Variants in CDC34 observed in about 807,000 individuals in gnomAD.
CDC34 encodes the protein cell division cycle 34, ubiquitin conjugating enzyme.
Under a neutral mutation model 26.8 loss-of-function variants are expected in CDC34, and 18 were observed. The observed-to-expected ratio is 0.67, with a 90% CI of 0.47 to 1.00. CDC34 has a LOEUF of 1.00. CDC34 is among the 50% of genes least tolerant of loss of function. The pLI is 0.00. For missense variants in CDC34, 280 were observed against 334.5 expected, an observed-to-expected ratio of 0.84 and a Z score of 1.27; for synonymous variants, 178 against 147.5, an observed-to-expected ratio of 1.21 and a Z score of -1.50.
rs368818872 is a variant in CDC34 at position 541,590 on chromosome 19, G to A, written c.*38G>A. On this transcript the variant is annotated 3_prime_UTR_variant, in exon 5 of 5. Coordinates refer to ENST00000215574, the MANE Select transcript of CDC34 (RefSeq NM_004359.2). ...AAACTTGCCGAGTTTACCTCACTAGGGCCGGACCCGTGGCTCCTTAGACGA... is the reference window on the plus strand; with the variant it reads ...AAACTTGCCGAGTTTACCTCACTAGAGCCGGACCCGTGGCTCCTTAGACGA... The A allele has an allele frequency of 2.0e-6, 3 of 1,523,720 alleles. No homozygotes were observed. The highest frequency in any genetic ancestry group is 2.8e-5 in the African/African-American group (2 of 72,316). 94.4% of individuals were successfully genotyped at this position (1,523,720 alleles called of 1,614,324 possible). A position where few individuals can be genotyped will look rare whatever the true frequency, so the allele number is the denominator to read the frequency against.
rs538779222 is a variant in CDC34 at position 541,691 on chromosome 19, A to G, written c.*139A>G. 12 of 928,160 alleles carry G rather than the reference A, an allele frequency of 1.3e-5. No homozygotes were observed. The highest frequency in any genetic ancestry group is 1.9e-5 in the Non-Finnish European group (12 of 648,292). 57.5% of individuals were successfully genotyped at this position (928,160 alleles called of 1,614,324 possible). ...TCGTTTTGGCTTTTTCTCCCTCCCCATGTCTGTTCTGGGTTTTCACGTGCT... is the reference window on the plus strand; with the variant it reads ...TCGTTTTGGCTTTTTCTCCCTCCCCGTGTCTGTTCTGGGTTTTCACGTGCT... On this transcript the variant is annotated 3_prime_UTR_variant, in exon 5 of 5. Coordinates refer to ENST00000215574, the MANE Select transcript of CDC34 (RefSeq NM_004359.2).
In CDC34 at chr19:536,755, C is replaced by A. The variant is rs746097237; in HGVS notation, c.363-258C>A. 5.3e-6 allele frequency: 3 copies of A among 562,530 alleles called. No homozygotes were observed. The Admixed American group carries it at 9.2e-5, about 17-fold the overall frequency. 34.8% of individuals were successfully genotyped at this position (562,530 alleles called of 1,614,324 possible). A position where few individuals can be genotyped will look rare whatever the true frequency, so the allele number is the denominator to read the frequency against. On this transcript the variant is annotated intron_variant, in intron 3 of 4. Transcript: ENST00000215574. ...TGGAGTGTAGTCTAGGCAGGACGTG[C>A]GGGTGTGAGGGCAGCCCCGGGTCTG...
chr19:540,934 T>C (rs943282459), intron 4 of CDC34, among the ~76,000 whole-genome samples: 2 of 152,208 alleles, frequency 1.3e-5, no homozygotes, highest in Non-Finnish European at 2.9e-5. Context: ...GGGATGGTCC[T>C]GCCTCCTGTC....
intron 2 of CDC34, 40 bp from the exon 3 acceptor site, chr19:536,203 T>G: frequency 6.6e-7 from 1 of 1,520,028 alleles, no homozygotes; most frequent in South Asian, 1.2e-5. Flanking sequence ...GAGCCCGTGC[T>G]GACCTCTGAC....
At chr19:537,513 C>T (rs755840165) in intron 4 of CDC34, among the ~76,000 whole-genome samples, 27 of 152,034 alleles carry the variant, frequency 1.8e-4, no homozygotes, top group South Asian at 4.2e-4. Context: ...TCACCACGCC[C>T]GGCTAATTTT....
At chr19:536,484 C>T (rs1428557773) in intron 3 of CDC34, 144 bp downstream of exon 3, 12 of 647,192 alleles carry the variant, frequency 1.9e-5, no homozygotes, top group African/African-American at 3.6e-5. Flanking sequence ...AGCTGGCGGT[C>T]CTGGGCCTCG....
chr19:532,283 C>T (rs924253266), intron 1 of CDC34, among the ~76,000 whole-genome samples, 175 bp downstream of exon 1: 2 of 152,224 alleles, frequency 1.3e-5, no homozygotes, highest in Non-Finnish European at 2.9e-5. Flanking sequence ...GCCCGGCCCC[C>T]TCCTCGGACC....
chr19:536,888 C>A (rs1979779543), intron 3 of CDC34, 125 bp from the exon 4 acceptor site: 2 of 1,021,404 alleles, frequency 2.0e-6, no homozygotes, highest in Non-Finnish European at 3.0e-6. Context: ...GAAGCAGAGG[C>A]CATGAGGCCA....
chr19:532,000 G>A lies in CDC34; in HGVS notation c.69G>A (p.Glu23=), dbSNP rs1979509880. ...TGGAGCTCAAGGGGCTGCAGGAAGA[G>A]CCGGTCGAGGGATTCCGCGTGACAC... ...LLLELKGLQE[E]PVEGFRVTLV... Residue 23 remains glutamate (E), a synonymous_variant, in exon 1 of 5, where the codon GAG becomes GAA. Coordinates refer to ENST00000215574, the MANE Select transcript of CDC34 (RefSeq NM_004359.2). 6.7e-7 allele frequency: 1 copy of A among 1,500,894 alleles called. No individual in the cohort carries two copies. The highest frequency in any genetic ancestry group is 8.8e-7 in the Non-Finnish European group (1 of 1,133,048). 93.0% of individuals were successfully genotyped at this position (1,500,894 alleles called of 1,614,324 possible).
Position 541,262 on chromosome 19 carries a change from G to A in CDC34, c.498-77G>A, listed in dbSNP as rs16990648. 2.0e-3 allele frequency: 2,910 copies of A among 1,452,394 alleles called. 51 individuals carry two copies. In the African/African-American group the frequency reaches 0.037, roughly 18 times the overall value. 90.0% of individuals were successfully genotyped at this position (1,452,394 alleles called of 1,614,324 possible). The stretch of plus-strand genomic sequence containing the variant: ...AAACCTGAGCGTTGGGGTGAGCGTC[G>A]GACCTGGGGGAGGGGGGCCGGGCAG... On this transcript the variant is annotated intron_variant, in intron 4 of 4. Coordinates refer to ENST00000215574, the MANE Select transcript of CDC34 (RefSeq NM_004359.2).
intron 4 of CDC34, chr19:539,032 C>G: frequency 1.0e-6 from 1 of 983,402 alleles, no homozygotes; most frequent in Non-Finnish European, 1.2e-6. Context: ...TTTTATCCCT[C>G]AAAACTCCCT....
intron 1 of CDC34, among the ~76,000 whole-genome samples, 185 bp downstream of exon 1, chr19:532,293 C>T (rs1352862355): frequency 1.3e-5 from 2 of 152,228 alleles, no homozygotes; most frequent in African/African-American, 4.8e-5. Flanking sequence ...CTCCTCGGAC[C>T]GTCTCGGGGA....
chr19:533,604 C>T (rs1413860382), intron 1 of CDC34, among the ~76,000 whole-genome samples: 2 of 152,244 alleles, frequency 1.3e-5, no homozygotes, highest in Non-Finnish European at 2.9e-5. Flanking sequence ...AGCCCCACCT[C>T]GAAGCCAGGC....
chr19:532,235 C>G, intron 1 of CDC34, 127 bp downstream of exon 1: 1 of 678,358 alleles, frequency 1.5e-6, no homozygotes, highest in Non-Finnish European at 2.3e-6. Context: ...GGCTTGGGCT[C>G]GTTTCCCTTC....
intron 1 of CDC34, among the ~76,000 whole-genome samples, chr19:534,261 C>T (rs1979623044): frequency 6.6e-6 from 1 of 152,058 alleles, no homozygotes; most frequent in Non-Finnish European, 1.5e-5. Flanking sequence ...AGTCACTTGC[C>T]TTACGGGGCA....
At chr19:532,176 C>A (rs569064607) in intron 1 of CDC34, 68 bp downstream of exon 1, 1 of 1,303,070 alleles carries the variant, frequency 7.7e-7, no homozygotes, top group African/African-American at 1.6e-5. Flanking sequence ...GAACCAGCTC[C>A]CTGCCCCGCG....
chr19:538,834 A>G, intron 4 of CDC34: 3 of 984,660 alleles, frequency 3.0e-6, no homozygotes, highest in Non-Finnish European at 3.6e-6. Flanking sequence ...GCCTGCAAGC[A>G]CCTGCTGGCC....
chr19:539,645 A>G (rs1426265810), intron 4 of CDC34, among the ~76,000 whole-genome samples: 1 of 152,118 alleles, frequency 6.6e-6, no homozygotes, highest in Non-Finnish European at 1.5e-5. Context: ...CCCTGGTAGC[A>G]GCCAGCCCCA....
chr19:536,347 C>T lies in CDC34; in HGVS notation c.362+7C>T, dbSNP rs751704155. ...ACCCCACGCAGAACGTCAGGTAAGCCGGCCCAACCCCCTGTGTCCACCCAG... is the reference window on the plus strand; with the variant it reads ...ACCCCACGCAGAACGTCAGGTAAGCTGGCCCAACCCCCTGTGTCCACCCAG... On this transcript the variant is annotated splice_region_variant and intron_variant, in intron 3 of 4. Transcript: ENST00000215574. 17 of 1,604,702 alleles carry T rather than the reference C, an allele frequency of 1.1e-5. No homozygotes were observed. Among genetic ancestry groups the T allele is most frequent in the South Asian group, 6.6e-5 (6 of 90,338 alleles).
Sources: gnomAD v4.1 joint callset for allele counts (sites outside exome capture counted in the v4.1 genomes callset) on GRCh38, gnomAD v4.1.1 for gene constraint, MANE v1.5 for transcripts, NCBI Gene and HGNC (gene_info 2026-07-23, HGNC 2026-07-21) for gene names.